VRK3: variants seen among roughly 807,000 people sequenced by gnomAD.
VRK3 encodes the protein serine/threonine-protein kinase VRK3.
In VRK3, 50 loss-of-function variants were observed where a neutral mutation model predicts 60.4. That is an observed-to-expected ratio of 0.83 (90% confidence interval 0.66 to 1.05). VRK3 has a LOEUF of 1.05. Among genes scored for constraint, VRK3 ranks in the 50% least tolerant of loss-of-function variants. VRK3 has a pLI of 0.00. For synonymous variants in VRK3, 246 were observed against 227.8 expected, an observed-to-expected ratio of 1.08 and a Z score of -0.72; for missense variants, 549 against 585.3, an observed-to-expected ratio of 0.94 and a Z score of 0.64.
intron 9 of VRK3, among the ~76,000 whole-genome samples, chr19:49,993,269 C>T (rs2076643366): frequency 6.6e-6 from 1 of 152,208 alleles, no homozygotes; most frequent in Admixed American, 6.5e-5. Context: ...AAAAATGACT[C>T]AGCACCTGTG....
intron 3 of VRK3, among the ~76,000 whole-genome samples, chr19:50,014,760 G>C (rs1241405475): frequency 1.3e-5 from 2 of 152,110 alleles, no homozygotes; most frequent in Admixed American, 1.3e-4. Flanking sequence ...CGGGAGGTGG[G>C]GTCTGAGGGG....
At chr19:50,018,335 C>T (rs533969341) in intron 2 of VRK3, among the ~76,000 whole-genome samples, 2 of 152,336 alleles carry the variant, frequency 1.3e-5, no homozygotes, top group South Asian at 4.1e-4. Flanking sequence ...TCTTCCCTTT[C>T]TTCTTTGATA....
At chr19:50,019,337 G>C (rs2077129423) in intron 2 of VRK3, 1 of 151,590 alleles carries the variant, frequency 6.6e-6, no homozygotes, top group Non-Finnish European at 1.5e-5. Context: ...CGAGTAGCTA[G>C]GATTACAGGC....
At chr19:50,022,682 T>C (rs1199245515) in intron 1 of VRK3, among the ~76,000 whole-genome samples, 2 of 151,504 alleles carry the variant, frequency 1.3e-5, no homozygotes, top group Non-Finnish European at 2.9e-5. Context: ...TAATCCCAGC[T>C]ACTTGGGAGG....
At chr19:49,982,013 G>A in intron 12 of VRK3, 1 of 653,610 alleles carries the variant, frequency 1.5e-6, no homozygotes, top group Non-Finnish European at 2.8e-6. Flanking sequence ...GGCTGTCTGT[G>A]GCTGACTCAA....
chr19:50,014,521 G>A (rs1014824558), intron 3 of VRK3, among the ~76,000 whole-genome samples: 3 of 151,246 alleles, frequency 2.0e-5, no homozygotes, highest in African/African-American at 4.9e-5. Context: ...ATGTTGCAGT[G>A]AGCCAAGATT....
chr19:49,994,722 G>T (rs2076670890), intron 9 of VRK3, 92 bp downstream of exon 9: 5 of 1,148,120 alleles, frequency 4.4e-6, no homozygotes, highest in Non-Finnish European at 1.2e-6. Context: ...AGGGGGGTGG[G>T]GGCCGGAAGT....
At chr19:49,994,384 G>A (rs187083309) in intron 9 of VRK3, among the ~76,000 whole-genome samples, 2 of 152,126 alleles carry the variant, frequency 1.3e-5, no homozygotes, top group African/African-American at 2.4e-5. Flanking sequence ...TATTTAATGG[G>A]GATGAATGAA....
At position 50,000,843 on chromosome 19, in the gene VRK3, AG is replaced by A. The variant is rs1568795688; in HGVS notation, c.558del (p.Ser187ProfsTer121). ...GGTCCTGAGTCACAGGTGAGGGTGG[AG>A]GTGGGTGCAGCTGTGGGGGAACAAA... ...NQGILYEAAP[T>X]STLTCDSGPQ... On this transcript the variant is annotated frameshift_variant, in exon 6 of 15. Transcript: ENST00000316763. LOFTEE classifies it high-confidence loss of function. The A allele has an allele frequency of 6.2e-7, 1 of 1,612,398 alleles. No individual in the cohort carries two copies. The highest frequency in any genetic ancestry group is 8.5e-7 in the Non-Finnish European group (1 of 1,179,130).
In VRK3 at chr19:49,992,934, G is replaced by C. The variant is rs1167392188; in HGVS notation, c.889C>G (p.Leu297Val). 1 of 1,612,718 alleles carries C rather than the reference G, an allele frequency of 6.2e-7. No homozygotes were observed. The highest frequency in any genetic ancestry group is 1.3e-5 in the African/African-American group (1 of 74,940). The change falls in exon 10 of 15, where the codon CTC (leucine) becomes GTC (valine). Residue 297 changes from leucine (L) to valine (V), a missense_variant. Physicochemically the swap from Leu to Val is conservative, Grantham distance 32 (BLOSUM62 1). Coordinates refer to ENST00000316763, the MANE Select transcript of VRK3 (RefSeq NM_016440.4). The part of the protein sequence containing the change: ...ACRLLDALEF[L>V]HENEYVHGNV... ...CCATGAACATACTCATTCTCATGGAGGAACTCCAGGGCATCCAGCTGGGGG... is the reference window on the plus strand; with the variant it reads ...CCATGAACATACTCATTCTCATGGACGAACTCCAGGGCATCCAGCTGGGGG...
At chr19:50,018,379 C>G (rs12460935) in intron 2 of VRK3, among the ~76,000 whole-genome samples, 1 of 152,086 alleles carries the variant, frequency 6.6e-6, no homozygotes, top group Admixed American at 6.5e-5. Flanking sequence ...TGTCTATTTC[C>G]TCTAGGTACT....
chr19:49,977,153 T>A (rs1025228019), intron 14 of VRK3, among the ~76,000 whole-genome samples: 2 of 149,892 alleles, frequency 1.3e-5, no homozygotes, highest in Admixed American at 6.7e-5. Flanking sequence ...GAACTCGGGA[T>A]GGCAGGTGCA....
intron 1 of VRK3, among the ~76,000 whole-genome samples, 181 bp from the exon 2 acceptor site, chr19:50,020,828 G>A (rs533429597): frequency 6.6e-6 from 1 of 152,346 alleles, no homozygotes; most frequent in East Asian, 1.9e-4. Context: ...GGAAACAGCA[G>A]CAAAGGAAAC....
intron 6 of VRK3, 50 bp downstream of exon 6, chr19:50,000,724 AAGTCAAGGATGTGTTT>A: frequency 6.5e-7 from 1 of 1,533,380 alleles, no homozygotes; most frequent in Non-Finnish European, 8.9e-7. Context: ...ACGGGCTCAG[AAGTCAAGGATGTGTTT>A]GTGAAAGTCC....
intron 7 of VRK3, 129 bp from the exon 8 acceptor site, chr19:49,995,404 A>G: frequency 4.0e-6 from 3 of 756,670 alleles, no homozygotes. Context: ...AGGTGACAAC[A>G]TTGTGGGTGG....
rs939466835 is a variant in VRK3 at position 49,997,358 on chromosome 19, G to C, written c.679+146C>G. On this transcript the variant is annotated intron_variant, in intron 7 of 14. Transcript: ENST00000316763. ...CACACTGAGGCCTGAGGGGTCACAG[G>C]AGTCAGGTTATGGACACAGATGGGA... The C allele has an allele frequency of 6.1e-5, 48 of 780,952 alleles. 1 individual carries two copies. In the Admixed American group the frequency reaches 9.8e-4, roughly 16 times the overall value. The allele number at this position is 780,952 out of a possible 1,614,324, so 48.4% of individuals were successfully genotyped here. A position where few individuals can be genotyped will look rare whatever the true frequency, so the allele number is the denominator to read the frequency against.
At chr19:50,005,968 T>C (rs1274536742) in intron 5 of VRK3, among the ~76,000 whole-genome samples, 3 of 148,860 alleles carry the variant, frequency 2.0e-5, no homozygotes, top group Admixed American at 1.3e-4. Flanking sequence ...ACTCTGAATA[T>C]CCTGAAGGCC....
chr19:49,982,441 C>T (rs1292246100), intron 12 of VRK3, among the ~76,000 whole-genome samples: 1 of 152,176 alleles, frequency 6.6e-6, no homozygotes, highest in Non-Finnish European at 1.5e-5. Context: ...CCACGCCTGG[C>T]TGAGGCCATT....
intron 1 of VRK3, among the ~76,000 whole-genome samples, chr19:50,024,418 T>C (rs2077228808): frequency 6.6e-6 from 1 of 152,242 alleles, no homozygotes; most frequent in Non-Finnish European, 1.5e-5. Flanking sequence ...GCCTGCCAAG[T>C]AAGTTGCAAA....
Sources: gnomAD v4.1 joint callset for allele counts (sites outside exome capture counted in the v4.1 genomes callset) on GRCh38, gnomAD v4.1.1 for gene constraint, MANE v1.5 for transcripts, NCBI Gene and HGNC (gene_info 2026-07-23, HGNC 2026-07-21) for gene names.